IL15RA: variants seen among roughly 807,000 people sequenced by gnomAD.
IL15RA encodes the protein interleukin 15 receptor subunit alpha.
In IL15RA, 26 loss-of-function variants were observed where a neutral mutation model predicts 24.2. The observed-to-expected ratio is 1.07, with a 90% CI of 0.79 to 1.49. The LOEUF (loss-of-function observed/expected upper bound fraction) is 1.49, where lower values mean the gene tolerates loss of function less well. Among genes scored for constraint, IL15RA ranks in the 40% most tolerant of loss-of-function variants. IL15RA has a pLI of 0.00. For missense variants in IL15RA, 354 were observed against 356.4 expected, an observed-to-expected ratio of 0.99 and a Z score of 0.05; for synonymous variants, 166 against 157.6, an observed-to-expected ratio of 1.05 and a Z score of -0.40.
rs1834423502 is a variant in IL15RA at position 5,955,716 on chromosome 10, G to A, written c.692+663C>T. On this transcript the variant is annotated intron_variant, in intron 6 of 6. Transcript: ENST00000379977. This position sits in a 1 kb window ranked among gnomAD's most constrained non-coding sequence, Gnocchi z 5.3. ...AGAAATACAAAATTAAGGCTAACAT[G>A]AATCAGTATATTTATAAGAAGGCAT... 6.6e-6 allele frequency among the ~76,000 whole-genome samples: 1 copy of A among 152,200 alleles called. No homozygotes were observed. Among genetic ancestry groups the A allele is most frequent in the African/African-American group, 2.4e-5 (1 of 41,458 alleles).
upstream of IL15RA, chr10:5,977,742 C>G (rs753855938): frequency 3.0e-5 from 28 of 934,644 alleles, no homozygotes; most frequent in Non-Finnish European, 3.8e-5. Context: ...CCCCGGGACG[C>G]ATGGGCCGTG....
At chr10:5,957,650 C>T (rs8177713) in intron 5 of IL15RA, among the ~76,000 whole-genome samples, 4 of 147,766 alleles carry the variant, frequency 2.7e-5, no homozygotes, top group Non-Finnish European at 3.0e-5. Flanking sequence ...TGGAGTGCAG[C>T]GGCTCGAGTT....
At chr10:5,972,911 G>A (rs916599490) in intron 1 of IL15RA, among the ~76,000 whole-genome samples, 1 of 151,990 alleles carries the variant, frequency 6.6e-6, no homozygotes, top group Non-Finnish European at 1.5e-5. Context: ...AAAATAAAAG[G>A]TTTGGGAAAA....
rs376982040 is a variant in IL15RA, at chr10:5,966,649, A to AT, written c.89-311_89-310insA. 5.9e-5 allele frequency among the ~76,000 whole-genome samples: 9 copies of AT among 151,892 alleles called. No homozygotes were observed. Among genetic ancestry groups the AT allele is most frequent in the African/African-American group, 2.2e-4 (9 of 41,434 alleles). Reference sequence around the variant, plus strand: ...GCCCTCAGTCTCTCTTAAAGTCTTCACCCCTCTCCACCGTGGACCCAGCCT... The same window carrying AT: ...GCCCTCAGTCTCTCTTAAAGTCTTCATCCCCTCTCCACCGTGGACCCAGCCT... On this transcript the variant is annotated intron_variant, in intron 1 of 6. Coordinates refer to ENST00000379977, the MANE Select transcript of IL15RA (RefSeq NM_002189.4). The surrounding 1 kb of genome is among the most constrained non-coding windows in gnomAD (Gnocchi z 6.4).
In IL15RA at chr10:5,964,134, G is replaced by A. The variant is rs1479598181; in HGVS notation, c.284-293C>T. ...CAATTTTATAATGCTGGTTATTCTT[G>A]GGAGAATAAATGATCACTCAATAGA... On this transcript the variant is annotated intron_variant, in intron 2 of 6. Transcript: ENST00000379977. This position sits in a 1 kb window ranked among gnomAD's most constrained non-coding sequence, Gnocchi z 5.6. Among the ~76,000 whole-genome samples the A allele has an allele frequency of 6.6e-6, 1 of 152,078 alleles. No individual in the cohort carries two copies. The highest frequency in any genetic ancestry group is 1.9e-4 in the East Asian group (1 of 5,190).
chr10:5,977,470 C>T lies in IL15RA; in HGVS notation c.23G>A (p.Gly8Asp), dbSNP rs1311819227. ...CGCCGGGAGACCGAGGGTCCGGCAGCCGCGCGCCCGCCGCGGGGCCATGGC... is the reference window on the plus strand; with the variant it reads ...CGCCGGGAGACCGAGGGTCCGGCAGTCGCGCGCCCGCCGCGGGGCCATGGC... MAPRRAR[G>D]CRTLGLPALL... The change falls in exon 1 of 7, where the codon GGC becomes GAC. Residue 8 changes from glycine (G) to aspartate (D), a missense_variant. Coordinates refer to ENST00000379977, the MANE Select transcript of IL15RA (RefSeq NM_002189.4). 1 of 1,358,400 alleles carries T rather than the reference C, an allele frequency of 7.4e-7. No homozygotes were observed. The highest frequency in any genetic ancestry group is 9.5e-7 in the Non-Finnish European group (1 of 1,057,642). 84.1% of individuals were successfully genotyped at this position (1,358,400 alleles called of 1,614,324 possible).
At position 5,958,137 on chromosome 10, in the gene IL15RA, T is replaced by C. The variant is rs1834844244; in HGVS notation, c.616+1617A>G. 3.6e-6 allele frequency: 1 copy of C among 281,112 alleles called. No homozygotes were observed. The highest frequency in any genetic ancestry group is 7.3e-6 in the Non-Finnish European group (1 of 136,922). 17.4% of individuals were successfully genotyped at this position (281,112 alleles called of 1,614,324 possible). A position where few individuals can be genotyped will look rare whatever the true frequency, so the allele number is the denominator to read the frequency against. ...GGCTAAATTAATGGTAGGAATTCCA[T>C]ACAGTGGAATATTCTGTAGCTGTTA... On this transcript the variant is annotated intron_variant, in intron 5 of 6. Coordinates refer to ENST00000379977, the MANE Select transcript of IL15RA (RefSeq NM_002189.4). This position sits in a 1 kb window ranked among gnomAD's most constrained non-coding sequence, Gnocchi z 4.3.
In IL15RA at chr10:5,966,390, AG is replaced by A. The variant is rs766361686; in HGVS notation, c.89-52del. 1 of 1,503,224 alleles carries A rather than the reference AG, an allele frequency of 6.7e-7. No homozygotes were observed. The highest frequency in any genetic ancestry group is 1.2e-5 in the South Asian group (1 of 86,810). The allele number at this position is 1,503,224 out of a possible 1,614,324, so 93.1% of individuals were successfully genotyped here. ...CGGTGAAGAGGTTTCCACTTGTAAG[AG>A]GCGTTCTCCAGGCACACGCAGCGGT... On this transcript the variant is annotated intron_variant, in intron 1 of 6. Transcript: ENST00000379977. This position sits in a 1 kb window ranked among gnomAD's most constrained non-coding sequence, Gnocchi z 6.4.
chr10:5,968,545 T>A lies in IL15RA; in HGVS notation c.89-2206A>T. The A allele has an allele frequency of 1.8e-6, 1 of 550,320 alleles. No homozygotes were observed. The highest frequency in any genetic ancestry group is 3.0e-5 in the East Asian group (1 of 32,950). 34.1% of individuals were successfully genotyped at this position (550,320 alleles called of 1,614,324 possible). A position where few individuals can be genotyped will look rare whatever the true frequency, so the allele number is the denominator to read the frequency against. On this transcript the variant is annotated intron_variant, in intron 1 of 6. Transcript: ENST00000379977. The surrounding 1 kb of genome is among the most constrained non-coding windows in gnomAD (Gnocchi z 5.4). ...CTGATGGCGTGAGAGATGGAGTCGA[T>A]CTCACAAGTTGTTGAGGTGGATTTG...
rs202059498 is a variant in IL15RA at position 5,966,343 on chromosome 10, C to T, written c.89-4G>A. The T allele has an allele frequency of 3.6e-5, 58 of 1,603,270 alleles. No individual in the cohort carries two copies. The highest frequency in any genetic ancestry group is 3.6e-5 in the Non-Finnish European group (42 of 1,170,932). On this transcript the variant is annotated splice_region_variant and splice_polypyrimidine_tract_variant and intron_variant, in intron 1 of 6. Coordinates refer to ENST00000379977, the MANE Select transcript of IL15RA (RefSeq NM_002189.4). This position sits in a 1 kb window ranked among gnomAD's most constrained non-coding sequence, Gnocchi z 6.4. ...ATGGGGGGAGGGCACGTGATGCCTG[C>T]GAAAGTGCAGAGGACAGGGGACGGT...
rs571145600 is a variant in IL15RA at position 5,962,320 on chromosome 10, A to G, written c.382+1423T>C. Reference sequence around the variant, plus strand: ...TAAGAACCACCTGTGGGCTGGGTGCAGTGGCTCACACCTGTAATCCCAGCA... The same window carrying G: ...TAAGAACCACCTGTGGGCTGGGTGCGGTGGCTCACACCTGTAATCCCAGCA... On this transcript the variant is annotated intron_variant, in intron 3 of 6. Transcript: ENST00000379977. The surrounding 1 kb of genome is among the most constrained non-coding windows in gnomAD (Gnocchi z 5.2). Among the ~76,000 whole-genome samples the G allele has an allele frequency of 1.3e-5, 2 of 152,266 alleles. No homozygotes were observed. The highest frequency in any genetic ancestry group is 1.9e-4 in the East Asian group (1 of 5,182).
At position 5,977,424 on chromosome 10, in the gene IL15RA, G is replaced by GAGCAGC; in HGVS notation, c.63_68dup (p.Leu22_Leu23dup). 1.5e-6 allele frequency: 2 copies of GAGCAGC among 1,353,752 alleles called. No individual in the cohort carries two copies. Among genetic ancestry groups the GAGCAGC allele is most frequent in the Non-Finnish European group, 1.9e-6 (2 of 1,055,932 alleles). 83.9% of individuals were successfully genotyped at this position (1,353,752 alleles called of 1,614,324 possible). A position where few individuals can be genotyped will look rare whatever the true frequency, so the allele number is the denominator to read the frequency against. On this transcript the variant is annotated inframe_insertion, in exon 1 of 7. Transcript: ENST00000379977. The stretch of plus-strand genomic sequence containing the variant: ...CCCTACCCCGCGTCGCCGGCGGCCG[G>GAGCAGC]AGCAGCAGCAGCAGTAGCAGCGCCG...
At position 5,961,712 on chromosome 10, in the gene IL15RA, A is replaced by G. The variant is rs1396088899; in HGVS notation, c.383-1145T>C. ...GGAAGGTGGCTGCCCCTGCACTGTA[A>G]GGGTGTGGCGTAACTGTGCTGTTCC... is the stretch of plus-strand genomic sequence containing the variant. On this transcript the variant is annotated intron_variant, in intron 3 of 6. Transcript: ENST00000379977. This position sits in a 1 kb window ranked among gnomAD's most constrained non-coding sequence, Gnocchi z 5.2. 1.3e-5 allele frequency among the ~76,000 whole-genome samples: 2 copies of G among 152,202 alleles called. No individual in the cohort carries two copies. The highest frequency in any genetic ancestry group is 2.9e-5 in the Non-Finnish European group (2 of 68,038).
In IL15RA at chr10:5,958,401, T is replaced by C; in HGVS notation, c.616+1353A>G. 1 of 426,710 alleles carries C rather than the reference T, an allele frequency of 2.3e-6. No individual in the cohort carries two copies. The allele number at this position is 426,710 out of a possible 1,614,324, so 26.4% of individuals were successfully genotyped here. A position where few individuals can be genotyped will look rare whatever the true frequency, so the allele number is the denominator to read the frequency against. On this transcript the variant is annotated intron_variant, in intron 5 of 6. Transcript: ENST00000379977. The surrounding 1 kb of genome is among the most constrained non-coding windows in gnomAD (Gnocchi z 4.3). ...AATGGGATTTGCTTTTCGTCTTTTT[T>C]TTGAGACAGGGTCCTGTCCTGTTGC...
Position 5,958,868 on chromosome 10 carries a change from G to A in IL15RA, c.616+886C>T, listed in dbSNP as rs8177785. Among the ~76,000 whole-genome samples, 855 of 152,126 alleles carry A rather than the reference G, an allele frequency of 5.6e-3. 9 individuals carry two copies. The highest frequency in any genetic ancestry group is 9.2e-3 in the Non-Finnish European group (627 of 67,984). On this transcript the variant is annotated intron_variant, in intron 5 of 6. Transcript: ENST00000379977. The surrounding 1 kb of genome is among the most constrained non-coding windows in gnomAD (Gnocchi z 4.3). ...TTTTGTCCATATCAAATTACAGTTGGGTTTTTTGTTACTTTGGAAGCTTGT... is the reference window on the plus strand; with the variant it reads ...TTTTGTCCATATCAAATTACAGTTGAGTTTTTTGTTACTTTGGAAGCTTGT...
chr10:5,976,815 C>G (rs1348289122), intron 1 of IL15RA: 7 of 152,208 alleles, frequency 4.6e-5, no homozygotes, highest in African/African-American at 9.7e-5. Flanking sequence ...CGGTCCCGAC[C>G]GCCTCTGCTG....
rs1837030219 is a variant in IL15RA, at chr10:5,968,671, C to G, written c.89-2332G>C. ...TCAGAGGCTTTTTCTCCATGTTCTG[C>G]TCCACACTGATCTTCTGTCCTTCTC... On this transcript the variant is annotated intron_variant, in intron 1 of 6. Transcript: ENST00000379977. The surrounding 1 kb of genome is among the most constrained non-coding windows in gnomAD (Gnocchi z 5.4). 11 of 670,944 alleles carry G rather than the reference C, an allele frequency of 1.6e-5. No individual in the cohort carries two copies. In the South Asian group the frequency reaches 1.8e-4, roughly 11 times the overall value. The allele number at this position is 670,944 out of a possible 1,614,324, so 41.6% of individuals were successfully genotyped here.
Position 5,962,399 on chromosome 10 carries a change from C to T in IL15RA, c.382+1344G>A, listed in dbSNP as rs547062694. Among the ~76,000 whole-genome samples the T allele has an allele frequency of 2.6e-5, 4 of 152,244 alleles. No individual in the cohort carries two copies. Among genetic ancestry groups the T allele is most frequent in the African/African-American group, 9.6e-5 (4 of 41,540 alleles). On this transcript the variant is annotated intron_variant, in intron 3 of 6. Transcript: ENST00000379977. This position sits in a 1 kb window ranked among gnomAD's most constrained non-coding sequence, Gnocchi z 5.2. ...CTGAGGTCAGGAGTTTGAGACCAGA[C>T]TGACCAACATGGTGAAACCCTGTCT...
In IL15RA at chr10:5,977,473, C is replaced by T. The variant is rs1279339239; in HGVS notation, c.20G>A (p.Arg7His). MAPRRA[R>H]GCRTLGLPAL... ...CGGGAGACCGAGGGTCCGGCAGCCGCGCGCCCGCCGCGGGGCCATGGCGGC... is the reference window on the plus strand; with the variant it reads ...CGGGAGACCGAGGGTCCGGCAGCCGTGCGCCCGCCGCGGGGCCATGGCGGC... Residue 7 changes from arginine to histidine, a missense_variant, in exon 1 of 7, where the codon CGC becomes CAC. By Grantham distance (29) the Arg-to-His change is conservative (BLOSUM62 0). Coordinates refer to ENST00000379977, the MANE Select transcript of IL15RA (RefSeq NM_002189.4). 7.4e-6 allele frequency: 10 copies of T among 1,356,582 alleles called. No individual in the cohort carries two copies. The highest frequency in any genetic ancestry group is 9.5e-6 in the Non-Finnish European group (10 of 1,056,514). The allele number at this position is 1,356,582 out of a possible 1,614,324, so 84.0% of individuals were successfully genotyped here. A position where few individuals can be genotyped will look rare whatever the true frequency, so the allele number is the denominator to read the frequency against.
Sources: allele counts gnomAD v4.1 joint callset (sites outside exome capture counted in the v4.1 genomes callset), GRCh38; gene constraint gnomAD v4.1.1; non-coding constraint Gnocchi (gnomAD v3.1); transcripts MANE v1.5; gene names NCBI Gene and HGNC (gene_info 2026-07-23, HGNC 2026-07-21).